SERPINA6: variants seen among roughly 807,000 people sequenced by gnomAD.
SERPINA6 encodes the protein serpin family A member 6.
A neutral mutation model predicts 26.4 loss-of-function variants in SERPINA6; 19 were observed. The ratio of observed to expected loss-of-function variants is 0.72; its 90% CI spans 0.50 to 1.06. The LOEUF is 1.06. SERPINA6 is among the 50% of genes least tolerant of loss of function. The pLI, the probability that SERPINA6 is intolerant of heterozygous loss-of-function variation, is 0.00. For missense variants in SERPINA6, 473 were observed against 504.0 expected (o/e 0.94, Z 0.59); for synonymous variants, 196 against 199.4 (o/e 0.98, Z 0.14).
chr14:94,316,692 A>G (rs1446548579), intron 1 of SERPINA6, among the ~76,000 whole-genome samples: 3 of 152,236 alleles, frequency 2.0e-5, no homozygotes, highest in Non-Finnish European at 4.4e-5. Flanking sequence ...AAATTGGCAT[A>G]TGAATCAGTG....
At chr14:94,313,932 C>T in intron 2 of SERPINA6, 104 bp downstream of exon 2, 6 of 1,216,614 alleles carry the variant, frequency 4.9e-6, no homozygotes, top group Non-Finnish European at 7.3e-6. Flanking sequence ...TGTGTATGTG[C>T]TTTACAGAAT....
chr14:94,322,898 T>C (rs1895704008), intron 1 of SERPINA6, among the ~76,000 whole-genome samples: 1 of 152,186 alleles, frequency 6.6e-6, no homozygotes, highest in Non-Finnish European at 1.5e-5. Flanking sequence ...TGGTGCCGAC[T>C]GGAGCAGATG....
rs1160337666 is a variant in SERPINA6, at chr14:94,314,613, C to T, written c.36G>A (p.Leu12=). 1 of 1,614,106 alleles carries T rather than the reference C, an allele frequency of 6.2e-7. No homozygotes were observed. The highest frequency in any genetic ancestry group is 1.1e-5 in the South Asian group (1 of 91,074). ...PLLLYTCLLW[L]PTSGLWTVQA... is the part of the protein sequence containing the mutation. ...GGACGGTCCAGAGGCCGCTGGTGGG[C>T]AGCCAGAGAAGACAGGTGTACAGGA... is the stretch of plus-strand genomic sequence containing the variant. The change falls in exon 2 of 5, where the codon CTG becomes CTA. Residue 12 remains leucine (L), a synonymous_variant. Transcript: ENST00000341584.
chr14:94,309,872 A>C lies in SERPINA6; in HGVS notation c.748T>G (p.Cys250Gly), dbSNP rs1392659979. 10 of 1,614,060 alleles carry C rather than the reference A, an allele frequency of 6.2e-6. No individual in the cohort carries two copies. The highest frequency in any genetic ancestry group is 2.7e-5 in the African/African-American group (2 of 74,922). The change falls in exon 3 of 5, where the codon TGC (cysteine) becomes GGC (glycine). Residue 250 changes from cysteine (C) to glycine (G), a missense_variant. Cys to Gly is a radical substitution (Grantham distance 159). Transcript: ENST00000341584. ...ISYLHDSELP[C>G]QLVQMNYVGN... ...ACGTAGTTCATCTGCACCAGCTGGC[A>C]GGGGAGCTCCGAGTCATGAAGGTAA...
intron 4 of SERPINA6, 30 bp from the exon 5 acceptor site, chr14:94,304,633 G>C (rs1361183565): frequency 6.3e-7 from 1 of 1,588,986 alleles, no homozygotes; most frequent in South Asian, 1.1e-5. Context: ...GATGGGTAGT[G>C]AGACCTGCTG....
intron 4 of SERPINA6, among the ~76,000 whole-genome samples, chr14:94,305,151 G>A (rs897948280): frequency 7.2e-5 from 11 of 152,190 alleles, no homozygotes; most frequent in Non-Finnish European, 1.6e-4. Flanking sequence ...GGCTAAATAA[G>A]TAACAGGTGA....
In SERPINA6 at chr14:94,306,330, C is replaced by T. The variant is rs1210351844; in HGVS notation, c.885-112G>A. 9.1e-6 allele frequency: 10 copies of T among 1,101,526 alleles called. No homozygotes were observed. In the African/African-American group the frequency reaches 1.5e-4, roughly 17 times the overall value. The allele number at this position is 1,101,526 out of a possible 1,614,324, so 68.2% of individuals were successfully genotyped here. ...TTATTTCCTCATGCGCTCCCTCCAGCTCCTGCCCTCCAGCCTGACTTGCTC... is the reference window on the plus strand; with the variant it reads ...TTATTTCCTCATGCGCTCCCTCCAGTTCCTGCCCTCCAGCCTGACTTGCTC... On this transcript the variant is annotated intron_variant, in intron 3 of 4. Coordinates refer to ENST00000341584, the MANE Select transcript of SERPINA6 (RefSeq NM_001756.4).
At chr14:94,306,294 T>C (rs918444160) in intron 3 of SERPINA6, 76 bp from the exon 4 acceptor site, 1 of 1,501,718 alleles carries the variant, frequency 6.7e-7, no homozygotes. Context: ...CCTCTTCTCC[T>C]GGCCAGACTC....
chr14:94,315,584 C>T (rs1177811663), intron 1 of SERPINA6, among the ~76,000 whole-genome samples: 2 of 152,166 alleles, frequency 1.3e-5, no homozygotes, highest in Non-Finnish European at 2.9e-5. Flanking sequence ...CAAATATATG[C>T]TGTCTACAAG....
At chr14:94,304,801 G>A (rs889806203) in intron 4 of SERPINA6, among the ~76,000 whole-genome samples, 198 bp from the exon 5 acceptor site, 2 of 152,128 alleles carry the variant, frequency 1.3e-5, no homozygotes, top group South Asian at 2.1e-4. Context: ...AACCTGGGCC[G>A]CACCTACACT....
At chr14:94,321,597 G>A (rs1413122339) in intron 1 of SERPINA6, among the ~76,000 whole-genome samples, 1 of 152,148 alleles carries the variant, frequency 6.6e-6, no homozygotes, top group Non-Finnish European at 1.5e-5. Flanking sequence ...TTCCATGTTT[G>A]CTGAGCCCAG....
In SERPINA6 at chr14:94,309,780, C is replaced by T. The variant is rs777273482; in HGVS notation, c.840G>A (p.Leu280=). The change falls in exon 3 of 5, where the codon CTG becomes CTA. Residue 280 remains leucine, a synonymous_variant. Transcript: ENST00000341584. ...KGKMNTVIAA[L]SRDTINRWSA... is the part of the protein sequence containing the mutation. ...ACCACCTGTTAATCGTGTCCCGGCT[C>T]AGTGCAGCGATGACTGTGTTCATCT... 6.8e-6 allele frequency: 11 copies of T among 1,614,070 alleles called. No individual in the cohort carries two copies. The South Asian group carries it at 1.2e-4, about 18-fold the overall frequency.
intron 1 of SERPINA6, among the ~76,000 whole-genome samples, chr14:94,316,328 T>A (rs1232948035): frequency 6.6e-6 from 1 of 152,206 alleles, no homozygotes; most frequent in Non-Finnish European, 1.5e-5. Flanking sequence ...GAGAAGAATG[T>A]GTATTCTGTT....
chr14:94,318,518 A>G (rs565472229), intron 1 of SERPINA6, among the ~76,000 whole-genome samples: 21 of 152,326 alleles, frequency 1.4e-4, no homozygotes, highest in African/African-American at 5.1e-4. Context: ...TAAGCCTTTC[A>G]TATGTAGTAA....
At chr14:94,316,907 C>T (rs1895622210) in intron 1 of SERPINA6, among the ~76,000 whole-genome samples, 1 of 152,126 alleles carries the variant, frequency 6.6e-6, no homozygotes, top group African/African-American at 2.4e-5. Flanking sequence ...CTTATTAGGC[C>T]CTTTTCCTAT....
At chr14:94,320,380 C>A (rs1285335913) in intron 1 of SERPINA6, among the ~76,000 whole-genome samples, 3 of 152,236 alleles carry the variant, frequency 2.0e-5, no homozygotes, top group Non-Finnish European at 4.4e-5. Flanking sequence ...ATCATAGCAG[C>A]TGAACTTTCA....
intron 1 of SERPINA6, among the ~76,000 whole-genome samples, chr14:94,315,356 T>C (rs1303259556): frequency 6.6e-6 from 1 of 152,212 alleles, no homozygotes; most frequent in Non-Finnish European, 1.5e-5. Flanking sequence ...ATATCAAATA[T>C]ACTATGGACT....
In SERPINA6 at chr14:94,314,658, T is replaced by C; in HGVS notation, c.-10A>G. The C allele has an allele frequency of 5.0e-6, 8 of 1,611,872 alleles. No individual in the cohort carries two copies. The highest frequency in any genetic ancestry group is 6.8e-6 in the Non-Finnish European group (8 of 1,179,978). On this transcript the variant is annotated 5_prime_UTR_variant, in exon 2 of 5. Coordinates refer to ENST00000341584, the MANE Select transcript of SERPINA6 (RefSeq NM_001756.4). ...ACAGGAGGAGTGGCATTGTCCAGTA[T>C]AGCCAGGCCCTGCCAAATCAGAAAA...
chr14:94,311,498 A>G (rs544786628), intron 2 of SERPINA6, among the ~76,000 whole-genome samples: 2 of 152,146 alleles, frequency 1.3e-5, no homozygotes, highest in Admixed American at 1.3e-4. Flanking sequence ...ACTTTAAGGG[A>G]TCTATTCTCA....
Sources: allele counts gnomAD v4.1 joint callset (sites outside exome capture counted in the v4.1 genomes callset), GRCh38; gene constraint gnomAD v4.1.1; transcripts MANE v1.5; gene names NCBI Gene and HGNC (gene_info 2026-07-23, HGNC 2026-07-21).